Variants in SHANK2 observed in about 807,000 individuals in gnomAD.
The protein encoded by SHANK2 is SH3 and multiple ankyrin repeat domains protein 2.
A neutral mutation model predicts 133.7 loss-of-function variants in SHANK2; 43 were observed. The ratio of observed to expected loss-of-function variants is 0.32; its 90% CI spans 0.25 to 0.41. SHANK2 has a LOEUF of 0.41. Among genes scored for constraint, SHANK2 ranks in the 10% least tolerant of loss-of-function variants. The pLI, the probability that SHANK2 is intolerant of heterozygous loss-of-function variation, is 1.00. For missense variants in SHANK2, 1,994 were observed against 2,235.8 expected (o/e 0.89, Z 2.18); for synonymous variants, 1,017 against 952.8 (o/e 1.07, Z -1.24).
At chr11:70,650,771 A>C (rs1555009922) in intron 17 of SHANK2, among the ~76,000 whole-genome samples, 1 of 152,176 alleles carries the variant, frequency 6.6e-6, no homozygotes, top group South Asian at 2.1e-4. Flanking sequence ...TCTTTCATGA[A>C]GCCCTTTTCC....
At chr11:70,492,111 G>A (rs528520243) in intron 22 of SHANK2, among the ~76,000 whole-genome samples, 1 of 152,262 alleles carries the variant, frequency 6.6e-6, no homozygotes, top group Admixed American at 6.5e-5. Flanking sequence ...TCAGGGCACT[G>A]AGTGAGCGGT....
At chr11:70,744,225 C>G (rs1170372290) in intron 14 of SHANK2, among the ~76,000 whole-genome samples, 1 of 152,242 alleles carries the variant, frequency 6.6e-6, no homozygotes, top group African/African-American at 2.4e-5. Flanking sequence ...GCCCAAGGCA[C>G]AGGGTGGGTC....
At chr11:71,080,464 G>C (rs928090767) in intron 8 of SHANK2, among the ~76,000 whole-genome samples, 3 of 152,190 alleles carry the variant, frequency 2.0e-5, no homozygotes, top group Admixed American at 2.0e-4. Flanking sequence ...CAAGAGGAAC[G>C]GCGCCACCTG....
intron 12 of SHANK2, 92 bp downstream of exon 12, chr11:70,820,272 T>A: frequency 1.7e-6 from 1 of 581,246 alleles, no homozygotes; most frequent in Non-Finnish European, 3.1e-6. Flanking sequence ...AAAATGGGCT[T>A]CCTGCTCAAC....
In SHANK2 at chr11:70,605,356, C is replaced by T. The variant is rs56172102; in HGVS notation, c.2061+54472G>A. Among the ~76,000 whole-genome samples the T allele has an allele frequency of 3.1e-3, 477 of 152,362 alleles. 2 individuals carry two copies. The highest frequency in any genetic ancestry group is 4.8e-3 in the Non-Finnish European group (328 of 68,030). ...CTGGCCACGCCCAGAAGGCAGCAAGCGGGTGAGCCCGCGACAGGCGCACCC... is the reference window on the plus strand; with the variant it reads ...CTGGCCACGCCCAGAAGGCAGCAAGTGGGTGAGCCCGCGACAGGCGCACCC... On this transcript the variant is annotated intron_variant, in intron 17 of 25. Coordinates refer to ENST00000601538, the MANE Select transcript of SHANK2 (RefSeq NM_012309.5).
At chr11:71,128,882 TC>T (rs1421707631) in intron 3 of SHANK2, among the ~76,000 whole-genome samples, 4 of 152,160 alleles carry the variant, frequency 2.6e-5, no homozygotes, top group Non-Finnish European at 5.9e-5. Context: ...CCTCCTGGGT[TC>T]AAGCAATTCT....
At position 71,117,486 on chromosome 11, in the gene SHANK2, G is replaced by T. The variant is rs563144275; in HGVS notation, c.411+1343C>A. Among the ~76,000 whole-genome samples, 349 of 152,290 alleles carry T rather than the reference G, an allele frequency of 2.3e-3. 3 individuals carry two copies. The highest frequency in any genetic ancestry group is 3.5e-3 in the Non-Finnish European group (239 of 68,028). ...CTAATGAGATGACTCTCAACTCCCA[G>T]GTAGCTTCCAGGATGGGGGCTGGTG... On this transcript the variant is annotated intron_variant, in intron 4 of 25. Coordinates refer to ENST00000601538, the MANE Select transcript of SHANK2 (RefSeq NM_012309.5).
chr11:70,734,592 G>A (rs782483637), intron 14 of SHANK2, among the ~76,000 whole-genome samples: 2 of 152,188 alleles, frequency 1.3e-5, no homozygotes, highest in Non-Finnish European at 1.5e-5. Flanking sequence ...GGGTGGGGTG[G>A]GGAGGACACA....
intron 17 of SHANK2, among the ~76,000 whole-genome samples, chr11:70,574,989 C>T (rs934114674): frequency 2.6e-5 from 4 of 152,152 alleles, no homozygotes; most frequent in African/African-American, 9.7e-5. Flanking sequence ...CCTGCCCAAC[C>T]ATCCCCATCC....
chr11:71,251,268 C>G (rs1416367241), intron 1 of SHANK2, among the ~76,000 whole-genome samples: 1 of 152,242 alleles, frequency 6.6e-6, no homozygotes, highest in Non-Finnish European at 1.5e-5. Context: ...GCCCACCCAC[C>G]TCGAGCAGGG....
chr11:70,924,200 A>T (rs1302318496), intron 10 of SHANK2, among the ~76,000 whole-genome samples: 2 of 152,166 alleles, frequency 1.3e-5, no homozygotes, highest in Non-Finnish European at 2.9e-5. Flanking sequence ...AGTCCCCAGG[A>T]GTCCCTCCTG....
At chr11:70,817,412 AGAAG>A (rs1166247102) in intron 12 of SHANK2, among the ~76,000 whole-genome samples, 1 of 152,226 alleles carries the variant, frequency 6.6e-6, no homozygotes, top group African/African-American at 2.4e-5. Flanking sequence ...AGGCCAAGAA[AGAAG>A]GGACTGACGG....
At chr11:71,174,941 G>A (rs1418263709) in intron 2 of SHANK2, 1 of 152,204 alleles carries the variant, frequency 6.6e-6, no homozygotes, top group Admixed American at 6.5e-5. Context: ...ATTGGATACA[G>A]TGAACATACC....
At chr11:70,584,015 C>T (rs1489428427) in intron 17 of SHANK2, among the ~76,000 whole-genome samples, 1 of 152,186 alleles carries the variant, frequency 6.6e-6, no homozygotes, top group African/African-American at 2.4e-5. Flanking sequence ...CATGACTCTG[C>T]AGCCACCGCG....
chr11:71,115,085 G>A (rs147039502), intron 4 of SHANK2, among the ~76,000 whole-genome samples: 67 of 152,276 alleles, frequency 4.4e-4, no homozygotes, highest in African/African-American at 1.3e-3. Context: ...AAAGAGCCCA[G>A]ACTGATGCCC....
rs1328227397 is a variant in SHANK2, at chr11:70,656,872, AG to A, written c.2061+2955del. Among the ~76,000 whole-genome samples, 3 of 152,170 alleles carry A rather than the reference AG, an allele frequency of 2.0e-5. No homozygotes were observed. The East Asian group carries it at 5.8e-4, about 29-fold the overall frequency. ...AGCAAAAGAACAAACTCTTCCCAAA[AG>A]CTTAGGTAGGAGAGAAATAAATTCT... On this transcript the variant is annotated intron_variant, in intron 17 of 25. Transcript: ENST00000601538.
At chr11:70,689,385 G>A (rs1945227152) in intron 15 of SHANK2, among the ~76,000 whole-genome samples, 1 of 152,224 alleles carries the variant, frequency 6.6e-6, no homozygotes, top group Non-Finnish European at 1.5e-5. Flanking sequence ...GAATTGTCAA[G>A]GAGGTAATAA....
chr11:71,079,747 G>A (rs1243514250), intron 8 of SHANK2, among the ~76,000 whole-genome samples: 2 of 150,010 alleles, frequency 1.3e-5, no homozygotes, highest in East Asian at 4.0e-4. Flanking sequence ...GAGACAGAGT[G>A]AGACTCCGAG....
intron 17 of SHANK2, among the ~76,000 whole-genome samples, chr11:70,615,693 G>A (rs1410328493): frequency 6.6e-6 from 1 of 152,186 alleles, no homozygotes; most frequent in Non-Finnish European, 1.5e-5. Context: ...TGGCTCACCA[G>A]GCTAGGACAA....
Sources: gnomAD v4.1 joint callset for allele counts (sites outside exome capture counted in the v4.1 genomes callset) on GRCh38, gnomAD v4.1.1 for gene constraint, MANE v1.5 for transcripts, NCBI Gene and HGNC (gene_info 2026-07-23, HGNC 2026-07-21) for gene names.